JADE2: variants seen among roughly 807,000 people sequenced by gnomAD.
JADE2 encodes E3 ubiquitin-protein ligase Jade-2.
In JADE2, 13 loss-of-function variants were observed where a neutral mutation model predicts 85.7. The ratio of observed to expected loss-of-function variants is 0.15; its 90% CI spans 0.10 to 0.24. JADE2 has a LOEUF of 0.24. Among genes scored for constraint, JADE2 ranks in the 10% least tolerant of loss-of-function variants. The pLI is 1.00. For synonymous variants in JADE2, 440 were observed against 456.1 expected, an observed-to-expected ratio of 0.96 and a Z score of 0.45; for missense variants, 846 against 1,115.9, an observed-to-expected ratio of 0.76 and a Z score of 3.45.
chr5:134,531,733 C>T (rs1761248653), intron 1 of JADE2, among the ~76,000 whole-genome samples: 1 of 152,010 alleles, frequency 6.6e-6, no homozygotes, highest in African/African-American at 2.4e-5. Flanking sequence ...CAGGCTTCCG[C>T]CACTAAGCCT....
chr5:134,552,753 G>T (rs1762665068), intron 4 of JADE2, among the ~76,000 whole-genome samples: 1 of 151,866 alleles, frequency 6.6e-6, no homozygotes, highest in Non-Finnish European at 1.5e-5. Context: ...GCCCACTGAA[G>T]CCTTGACCTC....
At position 134,581,632 on chromosome 5, in the gene JADE2, C is replaced by T. The variant is rs1193568341; in HGVS notation, c.*2315C>T. The stretch of plus-strand genomic sequence containing the variant: ...GGCTGGCTGGTGTTCTTCCAAGAGC[C>T]TCTGCTCACATTGTTGGCCTCTGGA... On this transcript the variant is annotated 3_prime_UTR_variant, in exon 12 of 12. Transcript: ENST00000681547. 6.5e-6 allele frequency: 1 copy of T among 153,088 alleles called. No homozygotes were observed. The highest frequency in any genetic ancestry group is 1.5e-5 in the Non-Finnish European group (1 of 68,774). The allele number at this position is 153,088 out of a possible 1,614,324, so 9.5% of individuals were successfully genotyped here.
intron 9 of JADE2, among the ~76,000 whole-genome samples, chr5:134,570,498 C>T (rs1008875953): frequency 2.6e-5 from 4 of 152,192 alleles, no homozygotes; most frequent in Admixed American, 2.6e-4. Flanking sequence ...TTCCTCCGCT[C>T]CCACCCCCAT....
chr5:134,571,500 T>C (rs138938722), intron 9 of JADE2, among the ~76,000 whole-genome samples: 1,586 of 152,170 alleles, frequency 0.01, 12 homozygotes, highest in African/African-American at 0.021. Context: ...AGTTCAAGAC[T>C]AGCCTGGCCA....
At chr5:134,528,526 A>G (rs944423591) in intron 1 of JADE2, among the ~76,000 whole-genome samples, 12 of 152,152 alleles carry the variant, frequency 7.9e-5, no homozygotes, top group Non-Finnish European at 1.5e-4. Flanking sequence ...AAGAGATGCT[A>G]TTTGCTTTTT....
upstream of JADE2, chr5:134,524,198 T>G (rs2149832157): frequency 6.6e-6 from 1 of 152,382 alleles, no homozygotes; most frequent in South Asian, 2.1e-4. Flanking sequence ...CCGAGGAGGT[T>G]GGAGCTTGAC....
chr5:134,559,889 G>A lies in JADE2; in HGVS notation c.371G>A (p.Gly124Asp). Reference protein sequence around the residue: ...AQASPSSTMLGEGSQPDWPGG... With the variant: ...AQASPSSTMLDEGSQPDWPGG... ...GCATCCCCGAGCAGCACCATGCTTG[G>A]TGAGGGCTCCCAGCCTGATTGGCCA... Residue 124 changes from glycine to aspartate, a missense_variant, in exon 5 of 12, where the codon GGT becomes GAT. Coordinates refer to ENST00000681547, the MANE Select transcript of JADE2 (RefSeq NM_001388185.1). 2 of 1,614,088 alleles carry A rather than the reference G, an allele frequency of 1.2e-6. No individual in the cohort carries two copies. The highest frequency in any genetic ancestry group is 1.7e-6 in the Non-Finnish European group (2 of 1,179,970).
At chr5:134,569,407 C>T (rs1763852680) in intron 9 of JADE2, among the ~76,000 whole-genome samples, 1 of 152,254 alleles carries the variant, frequency 6.6e-6, no homozygotes, top group African/African-American at 2.4e-5. Flanking sequence ...TATGGTCAAC[C>T]AGATGTGCTT....
chr5:134,576,282 C>T (rs185197814), intron 10 of JADE2, among the ~76,000 whole-genome samples: 1 of 152,166 alleles, frequency 6.6e-6, no homozygotes, highest in East Asian at 1.9e-4. Flanking sequence ...AATCTCCCAT[C>T]TAGTTTGCTG....
In JADE2 at chr5:134,576,819, G is replaced by A. The variant is rs1264429028; in HGVS notation, c.1604G>A (p.Gly535Asp). ...KGKKSDSKRK[G>D]CEGSKGSTEK... ...AAGAAGAGTGACTCGAAGAGGAAGG[G>A]CTGCGAGGGCTCCAAGGGCAGCACT... is the stretch of plus-strand genomic sequence containing the variant. The change falls in exon 11 of 12, where the codon GGC becomes GAC. Residue 535 changes from glycine (G) to aspartate (D), a missense_variant. Physicochemically the swap from Gly to Asp is moderately conservative, Grantham distance 94. Transcript: ENST00000681547. 1 of 1,550,430 alleles carries A rather than the reference G, an allele frequency of 6.4e-7. No individual in the cohort carries two copies. Among genetic ancestry groups the A allele is most frequent in the Non-Finnish European group, 8.7e-7 (1 of 1,146,976 alleles).
Position 134,562,453 on chromosome 5 carries a change from A to G in JADE2, c.852+86A>G. 7.6e-7 allele frequency: 1 copy of G among 1,321,390 alleles called. No individual in the cohort carries two copies. The highest frequency in any genetic ancestry group is 1.0e-6 in the Non-Finnish European group (1 of 955,780). 81.9% of individuals were successfully genotyped at this position (1,321,390 alleles called of 1,614,324 possible). ...GGGACTCAGGTAGCAGAGCACTGGG[A>G]AAAGAAGGTGATGGACTCGCACTAA... is the stretch of plus-strand genomic sequence containing the variant. On this transcript the variant is annotated intron_variant, in intron 7 of 11. Coordinates refer to ENST00000681547, the MANE Select transcript of JADE2 (RefSeq NM_001388185.1). The surrounding 1 kb of genome is among the most constrained non-coding windows in gnomAD (Gnocchi z 4.6).
At chr5:134,543,870 A>G (rs1461486523) in intron 3 of JADE2, among the ~76,000 whole-genome samples, 1 of 152,134 alleles carries the variant, frequency 6.6e-6, no homozygotes, top group Non-Finnish European at 1.5e-5. Context: ...TCAAAGATCT[A>G]AGCAACGTCA....
At chr5:134,539,491 GC>G (rs1761837646) in intron 3 of JADE2, among the ~76,000 whole-genome samples, 2 of 152,196 alleles carry the variant, frequency 1.3e-5, no homozygotes, top group African/African-American at 2.4e-5. Flanking sequence ...GAGCCACCGC[GC>G]CCGGCCAATC....
In JADE2 at chr5:134,580,424, A is replaced by ACCC. The variant is rs1561772664; in HGVS notation, c.*1107_*1108insCCC. On this transcript the variant is annotated 3_prime_UTR_variant, in exon 12 of 12. Coordinates refer to ENST00000681547, the MANE Select transcript of JADE2 (RefSeq NM_001388185.1). ...CTGAGCCTTAACCCCTCGCACAGCC[A>ACCC]TCCCCCCCCCCGTCCTGCCATCCCC... 9 of 18,092 alleles carry ACCC rather than the reference A, an allele frequency of 5.0e-4. No homozygotes were observed. Among genetic ancestry groups the ACCC allele is most frequent in the Non-Finnish European group, 7.1e-4 (4 of 5,598 alleles). The allele number at this position is 18,092 out of a possible 1,614,324, so 1.1% of individuals were successfully genotyped here.
At chr5:134,532,695 A>AC (rs1047689138) in intron 1 of JADE2, among the ~76,000 whole-genome samples, 58 of 151,762 alleles carry the variant, frequency 3.8e-4, no homozygotes, top group African/African-American at 1.2e-3. Context: ...AAGCACCTCC[A>AC]CCCCCCAAGT....
At chr5:134,527,581 C>T (rs1387858701) in intron 1 of JADE2, among the ~76,000 whole-genome samples, 1 of 152,028 alleles carries the variant, frequency 6.6e-6, no homozygotes, top group Non-Finnish European at 1.5e-5. Context: ...CCGGCGCCGC[C>T]CCCGGTCGAA....
At position 134,562,383 on chromosome 5, in the gene JADE2, G is replaced by C. The variant is rs1763377320; in HGVS notation, c.852+16G>C. 4.4e-6 allele frequency: 7 copies of C among 1,600,196 alleles called. No individual in the cohort carries two copies. The South Asian group carries it at 4.5e-5, about 10-fold the overall frequency. On this transcript the variant is annotated intron_variant, in intron 7 of 11. Coordinates refer to ENST00000681547, the MANE Select transcript of JADE2 (RefSeq NM_001388185.1). The surrounding 1 kb of genome is among the most constrained non-coding windows in gnomAD (Gnocchi z 4.6). ...GATTCCTGAGGTGGGTGAGCGTGGA[G>C]GTGAGGCAGCCCAAGGAATAGCCCG...
chr5:134,562,130 T>C lies in JADE2; in HGVS notation c.685-70T>C, dbSNP rs893031772. 1.3e-6 allele frequency: 2 copies of C among 1,484,890 alleles called. No individual in the cohort carries two copies. Among genetic ancestry groups the C allele is most frequent in the Non-Finnish European group, 1.8e-6 (2 of 1,095,744 alleles). The allele number at this position is 1,484,890 out of a possible 1,614,324, so 92.0% of individuals were successfully genotyped here. A position where few individuals can be genotyped will look rare whatever the true frequency, so the allele number is the denominator to read the frequency against. On this transcript the variant is annotated intron_variant, in intron 6 of 11. Transcript: ENST00000681547. This position sits in a 1 kb window ranked among gnomAD's most constrained non-coding sequence, Gnocchi z 4.6. ...AGCATGGGGCTGGCACTGGACCAAA[T>C]GCAGCTGACTGCTGACCAGACACAG...
Position 134,578,367 on chromosome 5 carries a change from C to G in JADE2, c.1682-127C>G. 1 of 724,788 alleles carries G rather than the reference C, an allele frequency of 1.4e-6. No homozygotes were observed. Among genetic ancestry groups the G allele is most frequent in the Non-Finnish European group, 2.4e-6 (1 of 423,378 alleles). 44.9% of individuals were successfully genotyped at this position (724,788 alleles called of 1,614,324 possible). ...GGGATGGACAAAACAAGATAGCTCA[C>G]CTGGGTCTGGCACAGGGGGACAGAG... On this transcript the variant is annotated intron_variant, in intron 11 of 11. Coordinates refer to ENST00000681547, the MANE Select transcript of JADE2 (RefSeq NM_001388185.1). This position sits in a 1 kb window ranked among gnomAD's most constrained non-coding sequence, Gnocchi z 4.4.
Sources: gnomAD v4.1 joint callset for allele counts (sites outside exome capture counted in the v4.1 genomes callset) on GRCh38, gnomAD v4.1.1 for gene constraint, Gnocchi (gnomAD v3.1) non-coding constraint, MANE v1.5 for transcripts, NCBI Gene and HGNC (gene_info 2026-07-23, HGNC 2026-07-21) for gene names.